RNF115: variants seen among roughly 807,000 people sequenced by gnomAD.
RNF115 encodes ring finger protein 115, also known as E3 ubiquitin-protein ligase RNF115.
RNF115 carries 31 observed loss-of-function variants against 39.2 expected under a neutral mutation model. The observed-to-expected ratio is 0.79, with a 90% CI of 0.59 to 1.07. The LOEUF is 1.07. RNF115 is among the 50% of genes least tolerant of loss of function. The pLI is 0.00. For missense variants in RNF115, 384 were observed against 381.7 expected (o/e 1.01, Z -0.05); for synonymous variants, 124 against 131.0 (o/e 0.95, Z 0.37).
intron 4 of RNF115, among the ~76,000 whole-genome samples, chr1:145,770,586 T>C (rs1193968742): frequency 6.6e-6 from 1 of 152,204 alleles, no homozygotes; most frequent in Non-Finnish European, 1.5e-5. Context: ...AGCTACCATA[T>C]AAGACAATGT....
Position 145,746,986 on chromosome 1 carries a change from A to T in RNF115, c.795T>A (p.Cys265Ter). ...CATTTAAGCTCTTCCTACATACAGG[A>T]CATGTGTCATGCTGAAACAGAAAAA... ...IVPWLELHDT[C>*]PVCRKSLNGE... Residue 265 changes from cysteine to a stop codon, truncating the protein, a stop_gained, in exon 9 of 9, where the codon TGT becomes TGA. Coordinates refer to ENST00000582693, the MANE Select transcript of RNF115 (RefSeq NM_014455.4). LOFTEE classifies it high-confidence loss of function. 6.2e-7 allele frequency: 1 copy of T among 1,612,722 alleles called. No homozygotes were observed. The highest frequency in any genetic ancestry group is 1.1e-5 in the South Asian group (1 of 90,798).
intron 1 of RNF115, among the ~76,000 whole-genome samples, chr1:145,820,805 C>G (rs1224044519): frequency 6.7e-6 from 1 of 150,294 alleles, no homozygotes. Context: ...TCTCACCACG[C>G]AAAAATAAGT....
At position 145,746,194 on chromosome 1, in the gene RNF115, T is replaced by C. The variant is rs12119151; in HGVS notation, c.*672A>G. 0.83 allele frequency: 125,971 copies of C among 151,020 alleles called. 52,763 individuals are homozygous for C. Among genetic ancestry groups the C allele is most frequent in the African/African-American group, 0.9 (36,850 of 41,158 alleles). 9.4% of individuals were successfully genotyped at this position (151,020 alleles called of 1,614,324 possible). ...TGAGCCAAGATCGTGCCACTGCACT[T>C]CAGCCTAGGCGACAGAGCGAGACTC... On this transcript the variant is annotated 3_prime_UTR_variant, in exon 9 of 9. Coordinates refer to ENST00000582693, the MANE Select transcript of RNF115 (RefSeq NM_014455.4).
intron 1 of RNF115, among the ~76,000 whole-genome samples, chr1:145,794,487 G>C (rs10910833): frequency 0.47 from 67,624 of 143,966 alleles, 16,263 homozygotes; most frequent in East Asian, 0.7. Flanking sequence ...ATGGCAAGGG[G>C]CATCTAATCT....
intron 1 of RNF115, 26 bp downstream of exon 1, chr1:145,823,746 A>G: frequency 6.7e-7 from 1 of 1,491,494 alleles, no homozygotes; most frequent in South Asian, 1.2e-5. Context: ...TGAGGTTCCC[A>G]AGTATAGAGA....
chr1:145,767,583 G>A (rs1647400972), intron 4 of RNF115, among the ~76,000 whole-genome samples: 1 of 152,254 alleles, frequency 6.6e-6, no homozygotes, highest in Non-Finnish European at 1.5e-5. Context: ...TGGCCGGGCA[G>A]AGGCTGCAAT....
chr1:145,771,700 AAAC>A lies in RNF115; in HGVS notation c.428+8_428+10del. 2 of 1,609,616 alleles carry A rather than the reference AAAC, an allele frequency of 1.2e-6. No homozygotes were observed. Among genetic ancestry groups the A allele is most frequent in the Non-Finnish European group, 1.7e-6 (2 of 1,177,376 alleles). ...ACTACCTTAAAAAGAACTTAAAATA[AAAC>A]AACTCACCCTTCAATAGCTGGAGAT... On this transcript the variant is annotated splice_region_variant and intron_variant, in intron 4 of 8. Transcript: ENST00000582693.
chr1:145,791,473 T>C (rs1204080536), intron 1 of RNF115, among the ~76,000 whole-genome samples: 13 of 150,776 alleles, frequency 8.6e-5, no homozygotes, highest in Non-Finnish European at 1.6e-4. Flanking sequence ...GATCACGCCA[T>C]TGCACTCCAG....
At chr1:145,807,732 T>C (rs1392976494) in intron 1 of RNF115, among the ~76,000 whole-genome samples, 3 of 152,182 alleles carry the variant, frequency 2.0e-5, no homozygotes, top group Admixed American at 6.5e-5. Flanking sequence ...TACATTGTTG[T>C]TAACTTTAGT....
chr1:145,782,680 T>C lies in RNF115; in HGVS notation c.219+1859A>G, dbSNP rs184303899. Among the ~76,000 whole-genome samples the C allele has an allele frequency of 5.3e-5, 8 of 152,280 alleles. No homozygotes were observed. In the East Asian group the frequency reaches 1.5e-3, roughly 29 times the overall value. On this transcript the variant is annotated intron_variant, in intron 3 of 8. Transcript: ENST00000582693. Reference sequence around the variant, plus strand: ...TTTCTGGTGAGTCATACCTACAAAATTGGCAGACCGATCTATTTCCATTAC... The same window carrying C: ...TTTCTGGTGAGTCATACCTACAAAACTGGCAGACCGATCTATTTCCATTAC...
intron 5 of RNF115, 37 bp downstream of exon 5, chr1:145,752,941 T>C: frequency 1.4e-6 from 2 of 1,407,730 alleles, no homozygotes; most frequent in Non-Finnish European, 2.0e-6. Context: ...AATATGTCAC[T>C]CCAATAGAGT....
chr1:145,783,831 T>C (rs1648255343), intron 3 of RNF115, among the ~76,000 whole-genome samples: 1 of 151,700 alleles, frequency 6.6e-6, no homozygotes, highest in Non-Finnish European at 1.5e-5. Flanking sequence ...GTTTCTTTTT[T>C]TAAAAAAAAA....
chr1:145,754,266 T>C (rs1299934474), intron 4 of RNF115, among the ~76,000 whole-genome samples: 2 of 152,210 alleles, frequency 1.3e-5, no homozygotes, highest in African/African-American at 4.8e-5. Flanking sequence ...ACTATCAACA[T>C]ATGCATTACC....
At chr1:145,800,909 C>T (rs587765416) in intron 1 of RNF115, among the ~76,000 whole-genome samples, 1 of 152,320 alleles carries the variant, frequency 6.6e-6, no homozygotes, top group South Asian at 2.1e-4. Flanking sequence ...GTGGCTCATG[C>T]CTGTAATCCC....
chr1:145,778,164 C>T (rs769785531), intron 3 of RNF115, among the ~76,000 whole-genome samples: 135 of 152,310 alleles, frequency 8.9e-4, no homozygotes, highest in Non-Finnish European at 1.5e-3. Context: ...AAATGAAGTA[C>T]TGATACATGC....
At chr1:145,820,422 G>A (rs1273995746) in intron 1 of RNF115, among the ~76,000 whole-genome samples, 2 of 151,316 alleles carry the variant, frequency 1.3e-5, no homozygotes, top group South Asian at 2.1e-4. Context: ...CAACAAGACA[G>A]AATAAATTCT....
At position 145,788,461 on chromosome 1, in the gene RNF115, T is replaced by A. The variant is rs587754286; in HGVS notation, c.161+447A>T. 3.3e-5 allele frequency among the ~76,000 whole-genome samples: 5 copies of A among 152,286 alleles called. No individual in the cohort carries two copies. The South Asian group carries it at 1.0e-3, about 32-fold the overall frequency. On this transcript the variant is annotated intron_variant, in intron 2 of 8. Coordinates refer to ENST00000582693, the MANE Select transcript of RNF115 (RefSeq NM_014455.4). ...TGGTTTTCCTGGCTAGAACAGCCTG[T>A]TTACCTGATTAGGTATCTTTGTCAG...
intron 7 of RNF115, among the ~76,000 whole-genome samples, chr1:145,748,529 T>C (rs587743556): frequency 2.0e-5 from 3 of 152,290 alleles, no homozygotes; most frequent in Non-Finnish European, 4.4e-5. Flanking sequence ...ATCTCAGCAA[T>C]CTTATCAGTG....
At chr1:145,775,741 C>G (rs1478549693) in intron 3 of RNF115, among the ~76,000 whole-genome samples, 2 of 152,016 alleles carry the variant, frequency 1.3e-5, no homozygotes, top group African/African-American at 4.8e-5. Context: ...GCCTATAATC[C>G]CAGCCCTTTG....
Sources: allele counts gnomAD v4.1 joint callset (sites outside exome capture counted in the v4.1 genomes callset), GRCh38; gene constraint gnomAD v4.1.1; transcripts MANE v1.5; gene names NCBI Gene and HGNC (gene_info 2026-07-23, HGNC 2026-07-21).